Variants in LDB3 observed in about 807,000 individuals in gnomAD.
LDB3 encodes the protein LIM domain binding 3.
Under a neutral mutation model 69.0 loss-of-function variants are expected in LDB3, and 49 were observed. The ratio of observed to expected loss-of-function variants is 0.71; its 90% confidence interval spans 0.56 to 0.90. LDB3 has a LOEUF of 0.90. LDB3 is among the 40% of genes least tolerant of loss of function. LDB3 has a pLI of 0.00. For missense variants in LDB3, 928 were observed against 974.1 expected (o/e 0.95, Z 0.63); for synonymous variants, 387 against 396.2 (o/e 0.98, Z 0.28).
chr10:86,686,382 C>T lies in LDB3; in HGVS notation c.689+4579C>T, dbSNP rs1328538926. On this transcript the variant is annotated intron_variant, in intron 5 of 13. Transcript: ENST00000361373. Reference sequence around the variant, plus strand: ...CTTGGGCTGCTGCTCCCGACCCCTACCCCCAGCCCCATGCCTGCGCTTCCC... The same window carrying T: ...CTTGGGCTGCTGCTCCCGACCCCTATCCCCAGCCCCATGCCTGCGCTTCCC... Among the ~76,000 whole-genome samples the T allele has an allele frequency of 5.3e-5, 8 of 152,154 alleles. 1 individual carries two copies. Among genetic ancestry groups the T allele is most frequent in the Admixed American group, 1.3e-4 (2 of 15,280 alleles).
Position 86,699,513 on chromosome 10 carries a change from G to A in LDB3, c.896+6942G>A. ...GGGGCACCTCTGATGGCCAACCGCAGCATTTCTGTCCTCTGCCCACCCCAG... is the reference window on the plus strand; with the variant it reads ...GGGGCACCTCTGATGGCCAACCGCAACATTTCTGTCCTCTGCCCACCCCAG... On this transcript the variant is annotated intron_variant, in intron 7 of 13. Transcript: ENST00000361373. The surrounding 1 kb of genome is among the most constrained non-coding windows in gnomAD (Gnocchi z 4.9). 1 of 1,521,726 alleles carries A rather than the reference G, an allele frequency of 6.6e-7. No homozygotes were observed. Among genetic ancestry groups the A allele is most frequent in the Non-Finnish European group, 8.8e-7 (1 of 1,137,648 alleles). The allele number at this position is 1,521,726 out of a possible 1,614,324, so 94.3% of individuals were successfully genotyped here.
chr10:86,682,526 C>T (rs1845218822), intron 5 of LDB3, among the ~76,000 whole-genome samples: 1 of 152,238 alleles, frequency 6.6e-6, no homozygotes, highest in Middle Eastern at 3.4e-3. Flanking sequence ...GGCAAAGGAA[C>T]GGAGTCCCCA....
chr10:86,716,552 G>A lies in LDB3; in HGVS notation c.1457G>A (p.Ser486Asn). The change falls in exon 10 of 14, where the codon AGC (serine) becomes AAC (asparagine). Residue 486 changes from serine (S) to asparagine (N), a missense_variant. Ser to Asn is a conservative substitution (Grantham distance 46). Coordinates refer to ENST00000361373, the MANE Select transcript of LDB3 (RefSeq NM_007078.3). Reference protein sequence around the residue: ...AYSGGPAEPASRPPWVTDDSF... With the variant: ...AYSGGPAEPANRPPWVTDDSF... Reference sequence around the variant, plus strand: ...AGCGGGGGCCCTGCGGAGCCTGCCAGCCGTCCACCCTGGGTGACAGATGAT... The same window carrying A: ...AGCGGGGGCCCTGCGGAGCCTGCCAACCGTCCACCCTGGGTGACAGATGAT... 6.2e-7 allele frequency: 1 copy of A among 1,613,584 alleles called. No homozygotes were observed. Among genetic ancestry groups the A allele is most frequent in the Middle Eastern group, 1.6e-4 (1 of 6,062 alleles).
At chr10:86,703,145 C>A (rs1846322617) in intron 7 of LDB3, among the ~76,000 whole-genome samples, 1 of 152,226 alleles carries the variant, frequency 6.6e-6, no homozygotes. Context: ...CCAGCCTGGA[C>A]ACTGTCATTG....
intron 12 of LDB3, among the ~76,000 whole-genome samples, chr10:86,725,720 C>T (rs1847229349): frequency 6.6e-6 from 1 of 152,100 alleles, no homozygotes; most frequent in African/African-American, 2.4e-5. Context: ...AGAAGAATGG[C>T]CAAGCAAAGA....
intron 5 of LDB3, among the ~76,000 whole-genome samples, chr10:86,684,278 G>A (rs1287322838): frequency 1.3e-5 from 2 of 152,242 alleles, no homozygotes; most frequent in Non-Finnish European, 2.9e-5. Context: ...CCCAGGCACT[G>A]GCTCCTCTCA....
intron 4 of LDB3, 127 bp downstream of exon 4, chr10:86,680,284 C>T: frequency 1.2e-6 from 1 of 803,802 alleles, no homozygotes; most frequent in Admixed American, 2.1e-5. Flanking sequence ...TGCCCCATCC[C>T]TGCCCCTGCT....
chr10:86,688,498 A>G (rs1845610355), intron 5 of LDB3, among the ~76,000 whole-genome samples: 1 of 152,180 alleles, frequency 6.6e-6, no homozygotes, highest in African/African-American at 2.4e-5. Flanking sequence ...GCCACCAGGG[A>G]GCAGAGGTCG....
chr10:86,726,412 T>A (rs1276001503), intron 13 of LDB3, 160 bp downstream of exon 13: 3 of 672,852 alleles, frequency 4.5e-6, no homozygotes. Context: ...TACATCACAG[T>A]CGAACAAAGT....
At chr10:86,675,133 C>T (rs1276023812) in intron 2 of LDB3, among the ~76,000 whole-genome samples, 3 of 152,160 alleles carry the variant, frequency 2.0e-5, no homozygotes, top group Non-Finnish European at 4.4e-5. Context: ...TGGTCAGAGG[C>T]TTGGCTACTG....
chr10:86,716,798 G>A, intron 10 of LDB3, 27 bp downstream of exon 10: 1 of 1,582,004 alleles, frequency 6.3e-7, no homozygotes, highest in African/African-American at 1.3e-5. Context: ...CCCCTGCACT[G>A]GGGCACTGGA....
chr10:86,708,678 C>G (rs1174799657), intron 8 of LDB3, among the ~76,000 whole-genome samples: 1 of 152,194 alleles, frequency 6.6e-6, no homozygotes, highest in Non-Finnish European at 1.5e-5. Flanking sequence ...GAGACAATAG[C>G]TTCACTCAGC....
At chr10:86,723,457 G>A (rs1322296967) in intron 12 of LDB3, among the ~76,000 whole-genome samples, 1 of 152,052 alleles carries the variant, frequency 6.6e-6, no homozygotes, top group Non-Finnish European at 1.5e-5. Context: ...ATTCTCTCAG[G>A]TACAGAAAGT....
In LDB3 at chr10:86,717,856, A is replaced by G. The variant is rs2132485073; in HGVS notation, c.1677-108A>G. 6.6e-6 allele frequency: 7 copies of G among 1,061,304 alleles called. No individual in the cohort carries two copies. The South Asian group carries it at 8.3e-5, about 13-fold the overall frequency. The allele number at this position is 1,061,304 out of a possible 1,614,324, so 65.7% of individuals were successfully genotyped here. On this transcript the variant is annotated intron_variant, in intron 10 of 13. Transcript: ENST00000361373. ...CACATTACTTCATCAGAACAGTCAC[A>G]AAAGTCAGAGTTATTGGGTAAAAGT...
At position 86,681,639 on chromosome 10, in the gene LDB3, G is replaced by C. The variant is rs757099637; in HGVS notation, c.525G>C (p.Glu175Asp). Residue 175 changes from glutamate to aspartate, a missense_variant, in exon 5 of 14, where the codon GAG (glutamate) becomes GAC (aspartate). Coordinates refer to ENST00000361373, the MANE Select transcript of LDB3 (RefSeq NM_007078.3). ...RASLRAKTSP[E>D]GARDLLGPKA... ...GCCTGAGGGCCAAGACCAGCCCAGA[G>C]GGGGCCCGGGACCTACTCGGCCCAA... is the stretch of plus-strand genomic sequence containing the variant. 4.0e-5 allele frequency: 64 copies of C among 1,613,214 alleles called. No homozygotes were observed. The highest frequency in any genetic ancestry group is 5.3e-5 in the Non-Finnish European group (62 of 1,179,820).
intron 7 of LDB3, among the ~76,000 whole-genome samples, chr10:86,704,607 T>C (rs1389282213): frequency 7.7e-6 from 1 of 130,660 alleles, no homozygotes; most frequent in Non-Finnish European, 1.6e-5. Context: ...TGAGACGGAG[T>C]CTCGCTCTGT....
At chr10:86,689,798 G>A (rs540731635) in intron 5 of LDB3, among the ~76,000 whole-genome samples, 4 of 152,344 alleles carry the variant, frequency 2.6e-5, no homozygotes, top group Admixed American at 2.0e-4. Flanking sequence ...TGAAGCAAAT[G>A]CAGCGGTGAC....
At chr10:86,677,441 T>G (rs1256693100) in intron 2 of LDB3, among the ~76,000 whole-genome samples, 1 of 152,160 alleles carries the variant, frequency 6.6e-6, no homozygotes, top group Non-Finnish European at 1.5e-5. Context: ...GATATTACTG[T>G]GGGCAGGGCC....
At chr10:86,731,273 T>A (rs61857148) in intron 13 of LDB3, among the ~76,000 whole-genome samples, 3 of 141,750 alleles carry the variant, frequency 2.1e-5, no homozygotes, top group African/African-American at 7.9e-5. Flanking sequence ...CGCCCAGGCT[T>A]GGGTACAGTG....
Sources: gnomAD v4.1 joint callset for allele counts (sites outside exome capture counted in the v4.1 genomes callset) on GRCh38, gnomAD v4.1.1 for gene constraint, Gnocchi (gnomAD v3.1) non-coding constraint, MANE v1.5 for transcripts, NCBI Gene and HGNC (gene_info 2026-07-23, HGNC 2026-07-21) for gene names.